TNFSF4: variants seen among roughly 807,000 people sequenced by gnomAD.
TNFSF4 encodes tumor necrosis factor ligand superfamily member 4.
Under a neutral mutation model 7.3 loss-of-function variants are expected in TNFSF4, and 4 were observed. That is an observed-to-expected ratio of 0.55 (90% CI 0.27 to 1.25). TNFSF4 has a LOEUF of 1.25. TNFSF4 is among the 50% of genes most tolerant of loss of function. TNFSF4 has a pLI of 0.12. For missense variants in TNFSF4, 181 were observed against 208.8 expected (o/e 0.87, Z 0.82); for synonymous variants, 76 against 83.7 (o/e 0.91, Z 0.50).
the TNFSF4 span, chr1:173,418,232 G>T: frequency 6.6e-6 from 1 of 152,146 alleles, no homozygotes; most frequent in Admixed American, 6.5e-5. Context: ...TTACTGAGCT[G>T]CCCACGGCAC....
chr1:173,222,460 G>A, the TNFSF4 span, among the ~76,000 whole-genome samples: 1 of 152,198 alleles, frequency 6.6e-6, no homozygotes, highest in African/African-American at 2.4e-5. Flanking sequence ...AAGGCCAAAG[G>A]TTGGGAGTAT....
the TNFSF4 span, among the ~76,000 whole-genome samples, chr1:173,302,500 C>T: frequency 6.6e-6 from 1 of 151,816 alleles, no homozygotes; most frequent in South Asian, 2.1e-4. Context: ...CACTCTCATT[C>T]CCGTTTTATA....
chr1:173,442,545 G>GTTTTTTTTTTTTTTTTT, the TNFSF4 span, among the ~76,000 whole-genome samples: 7 of 93,450 alleles, frequency 7.5e-5, 1 homozygote, highest in East Asian at 3.6e-4. Context: ...TTTCGTTTTT[G>GTTTTTTTTTTTTTTTTT]TTTTTGTTTT....
the TNFSF4 span, among the ~76,000 whole-genome samples, chr1:173,315,665 T>C: frequency 6.6e-6 from 1 of 152,200 alleles, no homozygotes; most frequent in Non-Finnish European, 1.5e-5. Context: ...GCAGGAAAGA[T>C]ACTTCTGACT....
At position 173,205,481 on chromosome 1, in the gene TNFSF4, G is replaced by A. The variant is rs1650148043; in HGVS notation, c.153+1543C>T. 2.7e-6 allele frequency: 4 copies of A among 1,502,292 alleles called. No individual in the cohort carries two copies. The South Asian group carries it at 5.3e-5, about 20-fold the overall frequency. 93.1% of individuals were successfully genotyped at this position (1,502,292 alleles called of 1,614,324 possible). A position where few individuals can be genotyped will look rare whatever the true frequency, so the allele number is the denominator to read the frequency against. ...ACCACCAGCAAGCTGTACAACTGTG[G>A]TTCACCTTTTGCTCTCTCCTGCTCA... On this transcript the variant is annotated intron_variant, in intron 1 of 2. Transcript: ENST00000281834.
the TNFSF4 span, among the ~76,000 whole-genome samples, chr1:173,258,855 T>C: frequency 1.3e-5 from 2 of 151,986 alleles, no homozygotes; most frequent in Non-Finnish European, 2.9e-5. Flanking sequence ...AACTCTGACC[T>C]CCCTGAGATG....
At chr1:173,214,942 C>T in the TNFSF4 span, among the ~76,000 whole-genome samples, 4 of 152,248 alleles carry the variant, frequency 2.6e-5, no homozygotes, top group East Asian at 3.9e-4. Flanking sequence ...TTTAACTGTA[C>T]CAGACCACTC....
At chr1:173,371,851 C>T in the TNFSF4 span, among the ~76,000 whole-genome samples, 6 of 152,302 alleles carry the variant, frequency 3.9e-5, no homozygotes, top group East Asian at 7.7e-4. Flanking sequence ...TTCCTCTTTG[C>T]GTTTGAGGAT....
the TNFSF4 span, among the ~76,000 whole-genome samples, chr1:173,277,466 G>A: frequency 6.6e-6 from 1 of 151,950 alleles, no homozygotes; most frequent in African/African-American, 2.4e-5. Context: ...AACTTCAACG[G>A]TAAAAACAAA....
chr1:173,428,051 G>T, the TNFSF4 span, among the ~76,000 whole-genome samples: 1 of 151,062 alleles, frequency 6.6e-6, no homozygotes, highest in Non-Finnish European at 1.5e-5. Flanking sequence ...AGGTTCAAGC[G>T]ATTCCTGCCT....
the TNFSF4 span, among the ~76,000 whole-genome samples, chr1:173,434,258 G>A: frequency 6.6e-6 from 1 of 152,170 alleles, no homozygotes; most frequent in Non-Finnish European, 1.5e-5. Context: ...TTCTTGTCTT[G>A]TATCTAATTA....
the TNFSF4 span, among the ~76,000 whole-genome samples, chr1:173,244,769 A>G: frequency 6.6e-6 from 1 of 152,148 alleles, no homozygotes; most frequent in Non-Finnish European, 1.5e-5. Flanking sequence ...ATATGCATAC[A>G]CAATAAGTTA....
the TNFSF4 span, among the ~76,000 whole-genome samples, chr1:173,327,360 G>A: frequency 6.6e-6 from 1 of 152,084 alleles, no homozygotes; most frequent in African/African-American, 2.4e-5. Flanking sequence ...ATTCAAGATG[G>A]ATTAAAGACT....
At chr1:173,311,956 C>G in the TNFSF4 span, among the ~76,000 whole-genome samples, 1 of 152,082 alleles carries the variant, frequency 6.6e-6, no homozygotes, top group Non-Finnish European at 1.5e-5. Context: ...TTAGCAATGT[C>G]TAATATTTCT....
At chr1:173,350,860 C>T in the TNFSF4 span, among the ~76,000 whole-genome samples, 3 of 152,150 alleles carry the variant, frequency 2.0e-5, no homozygotes, top group Non-Finnish European at 4.4e-5. Context: ...CCCCAGCTAC[C>T]TGCAAAGGGA....
the TNFSF4 span, among the ~76,000 whole-genome samples, chr1:173,285,396 G>A: frequency 6.6e-6 from 1 of 152,256 alleles, no homozygotes; most frequent in Middle Eastern, 3.4e-3. Flanking sequence ...TTGTTGAAAT[G>A]ACAACAAAGG....
the TNFSF4 span, among the ~76,000 whole-genome samples, chr1:173,401,366 G>C: frequency 1.3e-5 from 2 of 152,162 alleles, no homozygotes; most frequent in Non-Finnish European, 2.9e-5. Context: ...AACTTGGCTG[G>C]ATCACAGAAG....
chr1:173,287,667 A>T, the TNFSF4 span, among the ~76,000 whole-genome samples: 3 of 152,222 alleles, frequency 2.0e-5, no homozygotes, highest in Non-Finnish European at 4.4e-5. Context: ...AACTGGAAAC[A>T]ACTGAAATGA....
the TNFSF4 span, among the ~76,000 whole-genome samples, chr1:173,345,286 A>G: frequency 2.0e-5 from 3 of 152,228 alleles, no homozygotes; most frequent in Admixed American, 6.5e-5. Flanking sequence ...GAAAACATTT[A>G]TTAGTCCAGT....
Sources: allele counts gnomAD v4.1 joint callset (sites outside exome capture counted in the v4.1 genomes callset), GRCh38; gene constraint gnomAD v4.1.1; transcripts MANE v1.5; gene names NCBI Gene and HGNC (gene_info 2026-07-23, HGNC 2026-07-21).